The following UCHL3 variants were observed in gnomAD, a reference collection of about 807,000 sequenced individuals.
UCHL3 encodes ubiquitin carboxyl-terminal hydrolase isozyme L3.
In UCHL3, 22 loss-of-function variants were observed where a neutral mutation model predicts 35.8. The ratio of observed to expected loss-of-function variants is 0.61; its 90% CI spans 0.44 to 0.88. UCHL3 has a LOEUF of 0.88. Among genes scored for constraint, UCHL3 ranks in the 40% least tolerant of loss-of-function variants. The pLI is 0.00. For missense variants in UCHL3, 229 were observed against 276.9 expected (o/e 0.83, Z 1.23); for synonymous variants, 90 against 92.8 (o/e 0.97, Z 0.17).
chr13:75,559,358 T>C (rs867729001), intron 2 of UCHL3, among the ~76,000 whole-genome samples: 22 of 152,178 alleles, frequency 1.4e-4, no homozygotes, highest in East Asian at 1.9e-4. Flanking sequence ...CGGACTCTTA[T>C]AGGGCATGTG....
intron 6 of UCHL3, among the ~76,000 whole-genome samples, chr13:75,581,401 G>A (rs6650448): frequency 0.045 from 6,735 of 149,432 alleles, 494 homozygotes; most frequent in African/African-American, 0.16. Flanking sequence ...TCAGGCGGCA[G>A]TGCAGTGGGT....
chr13:75,558,561 C>T (rs1415271009), intron 2 of UCHL3, among the ~76,000 whole-genome samples: 1 of 152,146 alleles, frequency 6.6e-6, no homozygotes, highest in Non-Finnish European at 1.5e-5. Flanking sequence ...GTTCATGATA[C>T]TTTTCCTTAA....
chr13:75,563,908 C>T (rs4885312), intron 3 of UCHL3, among the ~76,000 whole-genome samples: 87,323 of 151,122 alleles, frequency 0.58, 26,952 homozygotes, highest in Non-Finnish European at 0.69. Context: ...TTTTTAAAGC[C>T]GAATAATATT....
chr13:75,597,204 A>G (rs1197487770), intron 7 of UCHL3, among the ~76,000 whole-genome samples: 1 of 152,118 alleles, frequency 6.6e-6, no homozygotes, highest in African/African-American at 2.4e-5. Context: ...AATGATTAAG[A>G]GATTAGCACT....
intron 3 of UCHL3, among the ~76,000 whole-genome samples, chr13:75,561,947 T>C (rs558816078): frequency 6.7e-4 from 102 of 152,190 alleles, no homozygotes; most frequent in African/African-American, 2.3e-3. Context: ...AAGTGCATTT[T>C]ATAATAGATT....
intron 8 of UCHL3, 26 bp from the exon 9 acceptor site, chr13:75,605,703 A>G: frequency 1.2e-6 from 2 of 1,607,212 alleles, no homozygotes; most frequent in Non-Finnish European, 1.7e-6. Context: ...ACACTGAAAA[A>G]TCATACTTTT....
At chr13:75,564,360 T>C (rs1372513631) in intron 3 of UCHL3, among the ~76,000 whole-genome samples, 14 of 151,736 alleles carry the variant, frequency 9.2e-5, no homozygotes, top group Non-Finnish European at 1.8e-4. Context: ...CCATGTTAGC[T>C]GGGATGGTCT....
At chr13:75,600,441 C>T (rs6562918) in intron 7 of UCHL3, among the ~76,000 whole-genome samples, 117,327 of 152,136 alleles carry the variant, frequency 0.77, 46,004 homozygotes, top group Middle Eastern at 0.88. Context: ...TTAATGCAGA[C>T]GGTGACTTTC....
intron 7 of UCHL3, among the ~76,000 whole-genome samples, chr13:75,597,932 T>C (rs962152011): frequency 6.6e-6 from 1 of 152,170 alleles, no homozygotes; most frequent in African/African-American, 2.4e-5. Context: ...CCCTCCCTTT[T>C]CCTTGGGGCC....
intron 3 of UCHL3, among the ~76,000 whole-genome samples, chr13:75,563,713 G>A (rs2031590924): frequency 6.6e-6 from 1 of 151,956 alleles, no homozygotes; most frequent in African/African-American, 2.4e-5. Flanking sequence ...CTATACATCT[G>A]CTATTTTGTG....
At chr13:75,591,039 A>G (rs1240113519) in intron 6 of UCHL3, among the ~76,000 whole-genome samples, 1 of 152,184 alleles carries the variant, frequency 6.6e-6, no homozygotes, top group Non-Finnish European at 1.5e-5. Context: ...TGTGTGCCAT[A>G]CATTTATAAG....
chr13:75,550,134 C>G, intron 2 of UCHL3, 147 bp downstream of exon 2: 2 of 1,308,874 alleles, frequency 1.5e-6, no homozygotes, highest in South Asian at 1.2e-5. Flanking sequence ...GCGGGTCCGC[C>G]CCTTTCAGAA....
intron 6 of UCHL3, among the ~76,000 whole-genome samples, chr13:75,581,662 C>G (rs1218919689): frequency 6.6e-6 from 1 of 150,596 alleles, no homozygotes; most frequent in Non-Finnish European, 1.5e-5. Flanking sequence ...AAACACTTGA[C>G]TTCTTCTTAG....
intron 6 of UCHL3, among the ~76,000 whole-genome samples, chr13:75,583,247 G>A (rs1409261025): frequency 6.6e-6 from 1 of 152,140 alleles, no homozygotes; most frequent in Non-Finnish European, 1.5e-5. Flanking sequence ...ATATTGATAT[G>A]CTATCCTATT....
chr13:75,558,974 C>T, intron 2 of UCHL3, among the ~76,000 whole-genome samples: 1 of 150,696 alleles, frequency 6.6e-6, no homozygotes. Flanking sequence ...ATAAATAGAA[C>T]CAAGTAAGAA....
intron 5 of UCHL3, 38 bp from the exon 6 acceptor site, chr13:75,569,422 G>C (rs1436728043): frequency 6.5e-7 from 1 of 1,536,070 alleles, no homozygotes; most frequent in Non-Finnish European, 8.8e-7. Flanking sequence ...GTTGAGTATA[G>C]GCATTTTTTC....
chr13:75,563,965 TC>T (rs1201465468), intron 3 of UCHL3, among the ~76,000 whole-genome samples: 1 of 151,846 alleles, frequency 6.6e-6, no homozygotes, highest in Non-Finnish European at 1.5e-5. Flanking sequence ...CCACCTTTTC[TC>T]CCAACCAAGT....
At chr13:75,561,729 A>G (rs1323098045) in intron 3 of UCHL3, among the ~76,000 whole-genome samples, 2 of 151,756 alleles carry the variant, frequency 1.3e-5, no homozygotes, top group Admixed American at 6.5e-5. Flanking sequence ...ATTTAAATTC[A>G]AGTCTACATA....
At chr13:75,580,290 C>G (rs1263569031) in intron 6 of UCHL3, among the ~76,000 whole-genome samples, 1 of 152,034 alleles carries the variant, frequency 6.6e-6, no homozygotes, top group Non-Finnish European at 1.5e-5. Context: ...AAATTTGAAC[C>G]TTAAATTTAC....
Sources: allele counts gnomAD v4.1 joint callset (sites outside exome capture counted in the v4.1 genomes callset), GRCh38; gene constraint gnomAD v4.1.1; transcripts MANE v1.5; gene names NCBI Gene and HGNC (gene_info 2026-07-23, HGNC 2026-07-21).